SYNE3: variants seen among roughly 807,000 people sequenced by gnomAD.
SYNE3 encodes spectrin repeat containing nuclear envelope family member 3.
In SYNE3, 100 loss-of-function variants were observed where a neutral mutation model predicts 111.2. The ratio of observed to expected loss-of-function variants is 0.90; its 90% CI spans 0.77 to 1.06. SYNE3 has a LOEUF of 1.06. Ranked by LOEUF, SYNE3 falls within the 50% of genes least tolerant of loss-of-function variation. The pLI is 0.00. For missense variants in SYNE3, 1,160 were observed against 1,240.3 expected, an observed-to-expected ratio of 0.94 and a Z score of 0.97; for synonymous variants, 547 against 533.9, an observed-to-expected ratio of 1.02 and a Z score of -0.34.
chr14:95,453,944 G>A (rs959071457), intron 6 of SYNE3, among the ~76,000 whole-genome samples: 4 of 152,230 alleles, frequency 2.6e-5, no homozygotes, highest in Non-Finnish European at 4.4e-5. Flanking sequence ...GCCATGCTGG[G>A]ACCTATAATG....
chr14:95,439,269 C>T, intron 13 of SYNE3, 107 bp from the exon 14 acceptor site: 1 of 1,503,608 alleles, frequency 6.7e-7, no homozygotes, highest in Non-Finnish European at 9.1e-7. Flanking sequence ...GTCAGTGCCC[C>T]CCACTGAAGT....
At chr14:95,459,640 C>A (rs1887668688) in intron 4 of SYNE3, among the ~76,000 whole-genome samples, 1 of 152,172 alleles carries the variant, frequency 6.6e-6, no homozygotes, top group Admixed American at 6.5e-5. Flanking sequence ...AACCCCTTAG[C>A]TCTTTCACAT....
chr14:95,433,499 TGACA>T, intron 15 of SYNE3, 90 bp from the exon 16 acceptor site: 1 of 1,543,986 alleles, frequency 6.5e-7, no homozygotes, highest in African/African-American at 1.4e-5. Flanking sequence ...AAATTTCACT[TGACA>T]GACAGGTAGG....
chr14:95,476,832 A>C (rs1888916560), intron 1 of SYNE3, among the ~76,000 whole-genome samples: 1 of 152,256 alleles, frequency 6.6e-6, no homozygotes, highest in Non-Finnish European at 1.5e-5. Flanking sequence ...TAACACATCA[A>C]AAAACTCAAC....
intron 4 of SYNE3, 74 bp downstream of exon 4, chr14:95,465,857 G>T: frequency 6.9e-7 from 1 of 1,449,486 alleles, no homozygotes; most frequent in Non-Finnish European, 9.2e-7. Flanking sequence ...GGCAAACAGT[G>T]GCTGGAATGG....
intron 2 of SYNE3, among the ~76,000 whole-genome samples, chr14:95,468,911 A>T (rs1274087285): frequency 1.3e-5 from 2 of 152,158 alleles, no homozygotes. Context: ...TCTGTAGGCA[A>T]ATATGACTGG....
rs1256603383 is a variant in SYNE3, at chr14:95,485,963, G to T, written c.-14-10128C>A. On this transcript the variant is annotated intron_variant, in intron 1 of 17. Coordinates refer to ENST00000682763, the MANE Select transcript of SYNE3 (RefSeq NM_152592.6). This position sits in a 1 kb window ranked among gnomAD's most constrained non-coding sequence, Gnocchi z 4.3. ...CAGGGGAGGGACAGAGGTGCAGACA[G>T]CAGCCTGCACTCAAGGGGTACACTG... Among the ~76,000 whole-genome samples the T allele has an allele frequency of 1.3e-5, 2 of 152,078 alleles. No individual in the cohort carries two copies. The highest frequency in any genetic ancestry group is 2.4e-5 in the African/African-American group (1 of 41,390).
intron 1 of SYNE3, among the ~76,000 whole-genome samples, chr14:95,498,123 T>G (rs1229499160): frequency 1.3e-5 from 2 of 151,568 alleles, no homozygotes; most frequent in Non-Finnish European, 2.9e-5. Flanking sequence ...GTATTAACAA[T>G]TTTTTTTAAA....
intron 1 of SYNE3, among the ~76,000 whole-genome samples, chr14:95,481,796 G>A (rs534437919): frequency 4.4e-4 from 67 of 152,368 alleles, no homozygotes; most frequent in African/African-American, 1.3e-3. Flanking sequence ...CCCTTTGCCC[G>A]ATTCCAGGCC....
chr14:95,452,686 G>A (rs1263381577), intron 6 of SYNE3, among the ~76,000 whole-genome samples: 1 of 152,154 alleles, frequency 6.6e-6, no homozygotes, highest in Non-Finnish European at 1.5e-5. Context: ...TAATACTCAG[G>A]GGACACCAAT....
Position 95,446,096 on chromosome 14 carries a change from G to A in SYNE3, c.1450-5C>T. The A allele has an allele frequency of 1.2e-6, 2 of 1,613,758 alleles. No individual in the cohort carries two copies. The highest frequency in any genetic ancestry group is 2.2e-5 in the South Asian group (2 of 91,064). ...GGAGCTTTCCATCAGGGCTGCCTGT[G>A]GGAGACAAGGCTTCCGTGAACCACA... On this transcript the variant is annotated splice_polypyrimidine_tract_variant and splice_region_variant and intron_variant, in intron 8 of 17. Transcript: ENST00000682763.
At chr14:95,503,325 T>C (rs1890407099) in intron 1 of SYNE3, among the ~76,000 whole-genome samples, 1 of 152,218 alleles carries the variant, frequency 6.6e-6, no homozygotes, top group Admixed American at 6.5e-5. Flanking sequence ...GAGAGAGTAA[T>C]AGTAAACCTT....
In SYNE3 at chr14:95,455,732, G is replaced by C. The variant is rs779798848; in HGVS notation, c.790-8C>G. On this transcript the variant is annotated splice_polypyrimidine_tract_variant and splice_region_variant and intron_variant, in intron 5 of 17. Transcript: ENST00000682763. ...AAAATCTTTGGCAATGTCCTGAAGA[G>C]GGTAGAGGGGTGAGGGAAAAACAGG... 1.2e-6 allele frequency: 2 copies of C among 1,611,768 alleles called. No homozygotes were observed. Among genetic ancestry groups the C allele is most frequent in the African/African-American group, 2.7e-5 (2 of 74,966 alleles).
chr14:95,449,038 A>C (rs1886888982), intron 8 of SYNE3, among the ~76,000 whole-genome samples: 1 of 152,154 alleles, frequency 6.6e-6, no homozygotes, highest in South Asian at 2.1e-4. Flanking sequence ...TGTGTCTAAG[A>C]ATCTCTAGAC....
intron 11 of SYNE3, among the ~76,000 whole-genome samples, chr14:95,441,495 T>C (rs1886413396): frequency 6.6e-6 from 1 of 152,186 alleles, no homozygotes; most frequent in Non-Finnish European, 1.5e-5. Flanking sequence ...GGTACCAAAA[T>C]AATAAAAGGG....
chr14:95,505,874 T>G (rs764895177), intron 1 of SYNE3, among the ~76,000 whole-genome samples: 12 of 152,264 alleles, frequency 7.9e-5, no homozygotes, highest in Middle Eastern at 3.4e-3. Flanking sequence ...CAGATTAGCA[T>G]GTCACTGAGA....
At chr14:95,455,945 A>G (rs1887413355) in intron 5 of SYNE3, 3 of 517,082 alleles carry the variant, frequency 5.8e-6, no homozygotes, top group African/African-American at 5.7e-5. Context: ...TTTTCAAGCC[A>G]TTTGATTAAG....
At position 95,475,678 on chromosome 14, in the gene SYNE3, C is replaced by A; in HGVS notation, c.144G>T (p.Glu48Asp). Residue 48 changes from glutamate (E) to aspartate (D), a missense_variant and splice_region_variant, in exon 2 of 18, where the codon GAG (glutamate) becomes GAT (aspartate). By Grantham distance (45) the Glu-to-Asp change is conservative. Coordinates refer to ENST00000682763, the MANE Select transcript of SYNE3 (RefSeq NM_152592.6). ...CATCTGAGGCCACGCCTCTGCATAC[C>A]TCGGTCTCCCACAGCCTGGCCTCCA... Reference protein sequence around the residue: ...AALEARLWETEKICQLEPEGR... With the variant: ...AALEARLWETDKICQLEPEGR... 1 of 1,551,624 alleles carries A rather than the reference C, an allele frequency of 6.4e-7. No individual in the cohort carries two copies. The highest frequency in any genetic ancestry group is 2.3e-5 in the East Asian group (1 of 43,166).
In SYNE3 at chr14:95,455,580, G is replaced by C. The variant is rs750698477; in HGVS notation, c.934C>G (p.Leu312Val). The change falls in exon 6 of 18, where the codon CTG (leucine) becomes GTG (valine). Residue 312 changes from leucine (L) to valine (V), a missense_variant. Physicochemically the swap from Leu to Val is conservative, Grantham distance 32. Coordinates refer to ENST00000682763, the MANE Select transcript of SYNE3 (RefSeq NM_152592.6). Reference protein sequence around the residue: ...LEEMRKVLEKLRALWEEEEER... With the variant: ...LEEMRKVLEKVRALWEEEEER... ...TCCTCCTCCTCCCAGAGGGCGCGCA[G>C]CTTCTCCAGAACTTTCCTCATCTCT... 1 of 1,614,040 alleles carries C rather than the reference G, an allele frequency of 6.2e-7. No homozygotes were observed. The highest frequency in any genetic ancestry group is 2.2e-5 in the East Asian group (1 of 44,892).
Sources: gnomAD v4.1 joint callset for allele counts (sites outside exome capture counted in the v4.1 genomes callset) on GRCh38, gnomAD v4.1.1 for gene constraint, Gnocchi (gnomAD v3.1) non-coding constraint, MANE v1.5 for transcripts, NCBI Gene and HGNC (gene_info 2026-07-23, HGNC 2026-07-21) for gene names.